The following TFDP1 variants were observed in gnomAD, a reference collection of about 807,000 sequenced individuals.
The protein encoded by TFDP1 is transcription factor Dp-1.
A neutral mutation model predicts 48.0 loss-of-function variants in TFDP1; 6 were observed. The observed-to-expected ratio is 0.13, with a 90% CI of 0.07 to 0.25. The LOEUF (loss-of-function observed/expected upper bound fraction) is 0.25, where lower values mean the gene tolerates loss of function less well. TFDP1 is among the 10% of genes least tolerant of loss of function. The probability of loss-of-function intolerance (pLI) is 1.00; values close to 1 mark genes in which losing one functional copy is unlikely to be tolerated. For missense variants in TFDP1, 335 were observed against 543.0 expected, an observed-to-expected ratio of 0.62 and a Z score of 3.81; for synonymous variants, 201 against 211.6, an observed-to-expected ratio of 0.95 and a Z score of 0.44.
chr13:113,611,774 G>A (rs1184460498), intron 3 of TFDP1, among the ~76,000 whole-genome samples: 2 of 152,228 alleles, frequency 1.3e-5, no homozygotes. Context: ...GCTGTGCTGT[G>A]TGGATCTGGG....
chr13:113,609,482 G>A (rs939733224), intron 2 of TFDP1, among the ~76,000 whole-genome samples: 5 of 152,046 alleles, frequency 3.3e-5, no homozygotes, highest in Non-Finnish European at 5.9e-5. Flanking sequence ...CGTGGTCCTC[G>A]GGCTTACGGG....
chr13:113,604,104 T>C lies in TFDP1; in HGVS notation c.13-6892T>C, dbSNP rs1291102320. Among the ~76,000 whole-genome samples, 3 of 145,448 alleles carry C rather than the reference T, an allele frequency of 2.1e-5. No individual in the cohort carries two copies. The Admixed American group carries it at 2.1e-4, about 10-fold the overall frequency. On this transcript the variant is annotated intron_variant, in intron 2 of 11. Coordinates refer to ENST00000375370, the MANE Select transcript of TFDP1 (RefSeq NM_007111.5). ...TGAACCGGGAAGGTCAAGGCTGCAG[T>C]GAGCTGAGATCTTACCACTGCACCC...
chr13:113,630,057 T>C (rs12428926), intron 4 of TFDP1, among the ~76,000 whole-genome samples: 74,862 of 151,676 alleles, frequency 0.49, 21,114 homozygotes, highest in African/African-American at 0.78. Context: ...GAACTCAACG[T>C]AGGAAGCCGT....
In TFDP1 at chr13:113,641,170, TATAG is replaced by T. The variant is rs1393422357; in HGVS notation, c.*905_*908del. The T allele has an allele frequency of 6.6e-6, 1 of 152,650 alleles. No individual in the cohort carries two copies. Among genetic ancestry groups the T allele is most frequent in the African/African-American group, 2.4e-5 (1 of 41,454 alleles). 9.5% of individuals were successfully genotyped at this position (152,650 alleles called of 1,614,324 possible). A position where few individuals can be genotyped will look rare whatever the true frequency, so the allele number is the denominator to read the frequency against. ...AATCTATTATAAAATTGAAATTAAA[TATAG>T]AGAATGTTTTAACAATTTTTTAACT... On this transcript the variant is annotated 3_prime_UTR_variant, in exon 12 of 12. Coordinates refer to ENST00000375370, the MANE Select transcript of TFDP1 (RefSeq NM_007111.5).
intron 2 of TFDP1, among the ~76,000 whole-genome samples, chr13:113,605,470 TCTC>T (rs561766408): frequency 3.7e-4 from 57 of 152,332 alleles, no homozygotes; most frequent in African/African-American, 1.3e-3. Flanking sequence ...TAAGCTGTCT[TCTC>T]CCACACAGCG....
At chr13:113,609,573 T>C (rs1035846208) in intron 2 of TFDP1, among the ~76,000 whole-genome samples, 2 of 152,072 alleles carry the variant, frequency 1.3e-5, no homozygotes, top group African/African-American at 4.8e-5. Flanking sequence ...CTTGCAGTGG[T>C]CGTCTTGCTG....
At chr13:113,625,392 G>A (rs200293639) in intron 4 of TFDP1, among the ~76,000 whole-genome samples, 19 of 64,608 alleles carry the variant, frequency 2.9e-4, no homozygotes, top group East Asian at 1.0e-3. Context: ...GTCCTCAGGC[G>A]TCTCACGTGT....
chr13:113,592,871 T>C (rs1301878318), intron 2 of TFDP1, among the ~76,000 whole-genome samples: 4 of 150,248 alleles, frequency 2.7e-5, no homozygotes, highest in Non-Finnish European at 5.9e-5. Flanking sequence ...GAGACAGTTG[T>C]GGTGTGCACG....
At chr13:113,622,487 C>T (rs539863125) in intron 3 of TFDP1, among the ~76,000 whole-genome samples, 53 of 152,314 alleles carry the variant, frequency 3.5e-4, no homozygotes, top group Non-Finnish European at 4.9e-4. Context: ...ACCTGGTTTA[C>T]GGTTTCTTTG....
chr13:113,624,431 A>G (rs1486822233), intron 4 of TFDP1, among the ~76,000 whole-genome samples: 1 of 147,540 alleles, frequency 6.8e-6, no homozygotes, highest in African/African-American at 2.5e-5. Flanking sequence ...CGTGTCTCTC[A>G]GGTGTCCTCA....
At chr13:113,620,039 C>T (rs536702031) in intron 3 of TFDP1, among the ~76,000 whole-genome samples, 1 of 152,330 alleles carries the variant, frequency 6.6e-6, no homozygotes, top group East Asian at 1.9e-4. Flanking sequence ...GTTTGTCTCC[C>T]CCTTCCTAAT....
chr13:113,625,944 C>T (rs376565238), intron 4 of TFDP1, among the ~76,000 whole-genome samples: 217 of 99,684 alleles, frequency 2.2e-3, no homozygotes, highest in East Asian at 7.4e-3. Context: ...GTTTCTCAGG[C>T]GTCTCTCACG....
intron 3 of TFDP1, among the ~76,000 whole-genome samples, chr13:113,614,261 T>C (rs2048801030): frequency 6.6e-6 from 1 of 151,916 alleles, no homozygotes; most frequent in Non-Finnish European, 1.5e-5. Flanking sequence ...TGATTGTGCG[T>C]GTGTGTGAGT....
chr13:113,634,238 G>T, intron 7 of TFDP1: 1 of 741,008 alleles, frequency 1.3e-6, no homozygotes, highest in Non-Finnish European at 2.4e-6. Flanking sequence ...ACTAGAGTCT[G>T]TTAAACTCTA....
At chr13:113,624,370 C>T (rs1163695009) in intron 4 of TFDP1, among the ~76,000 whole-genome samples, 5 of 151,664 alleles carry the variant, frequency 3.3e-5, no homozygotes, top group Admixed American at 6.6e-5. Context: ...GGCATCCTCA[C>T]GTGTCCCCAG....
intron 3 of TFDP1, among the ~76,000 whole-genome samples, chr13:113,621,272 T>C (rs996152128): frequency 1.3e-5 from 2 of 152,200 alleles, no homozygotes; most frequent in Non-Finnish European, 2.9e-5. Context: ...CCTGATGTTG[T>C]TGTGACCCGA....
chr13:113,636,194 G>A (rs2049483234), intron 9 of TFDP1, 66 bp downstream of exon 9: 3 of 1,565,658 alleles, frequency 1.9e-6, no homozygotes, highest in Non-Finnish European at 2.6e-6. Flanking sequence ...GACCCTGTTG[G>A]TATTGTCACT....
chr13:113,620,680 C>T (rs543833494), intron 3 of TFDP1, among the ~76,000 whole-genome samples: 2 of 152,210 alleles, frequency 1.3e-5, no homozygotes, highest in Admixed American at 6.5e-5. Flanking sequence ...TGGTACATTT[C>T]GAATATGTAC....
At chr13:113,629,931 G>A (rs963803563) in intron 4 of TFDP1, among the ~76,000 whole-genome samples, 1 of 152,192 alleles carries the variant, frequency 6.6e-6, no homozygotes, top group African/African-American at 2.4e-5. Context: ...TCGTGTGTGG[G>A]ATTCTCCAGC....
Sources: gnomAD v4.1 joint callset for allele counts (sites outside exome capture counted in the v4.1 genomes callset) on GRCh38, gnomAD v4.1.1 for gene constraint, MANE v1.5 for transcripts, NCBI Gene and HGNC (gene_info 2026-07-23, HGNC 2026-07-21) for gene names.